Variants in MRPS27 observed in about 807,000 individuals in gnomAD.
MRPS27 encodes the protein mitochondrial ribosomal protein S27, also known as small ribosomal subunit protein mS27.
A neutral mutation model predicts 48.9 loss-of-function variants in MRPS27; 43 were observed. That is an observed-to-expected ratio of 0.88 (90% CI 0.69 to 1.13). MRPS27 has a LOEUF of 1.13. MRPS27 is among the 50% of genes most tolerant of loss of function. MRPS27 has a pLI of 0.00. For missense variants in MRPS27, 467 were observed against 476.3 expected, an observed-to-expected ratio of 0.98 and a Z score of 0.18; for synonymous variants, 188 against 171.9, an observed-to-expected ratio of 1.09 and a Z score of -0.73.
At chr5:72,284,488 T>C (rs1749618935) in intron 4 of MRPS27, among the ~76,000 whole-genome samples, 1 of 148,066 alleles carries the variant, frequency 6.8e-6, no homozygotes, top group Admixed American at 6.8e-5. Flanking sequence ...GAGAGAGAGA[T>C]GGAAAAAGAG....
chr5:72,295,051 TTGTG>T (rs746811892), intron 4 of MRPS27, among the ~76,000 whole-genome samples: 6 of 150,992 alleles, frequency 4.0e-5, no homozygotes, highest in African/African-American at 1.5e-4. Flanking sequence ...GTGTGTGTGT[TTGTG>T]TGTGTGTGTA....
chr5:72,240,178 T>C (rs1017560940), intron 4 of MRPS27, among the ~76,000 whole-genome samples: 1 of 152,170 alleles, frequency 6.6e-6, no homozygotes, highest in African/African-American at 2.4e-5. Flanking sequence ...TGGTATTAAA[T>C]GCTGTTATGT....
intron 4 of MRPS27, among the ~76,000 whole-genome samples, chr5:72,255,508 A>G (rs994685203): frequency 6.6e-6 from 1 of 152,182 alleles, no homozygotes; most frequent in East Asian, 1.9e-4. Flanking sequence ...TTCAATGCCC[A>G]TGCCTCACAC....
chr5:72,314,301 G>A (rs1007522585), intron 1 of MRPS27, 143 bp from the exon 2 acceptor site: 3 of 484,794 alleles, frequency 6.2e-6, no homozygotes, highest in Admixed American at 6.9e-5. Context: ...AACCAATATC[G>A]CATAGTTGAC....
chr5:72,233,182 C>T (rs1580056607), intron 6 of MRPS27, among the ~76,000 whole-genome samples: 1 of 152,132 alleles, frequency 6.6e-6, no homozygotes, highest in East Asian at 1.9e-4. Context: ...GTTTAAAATA[C>T]TTGTTGGAAG....
intron 4 of MRPS27, among the ~76,000 whole-genome samples, chr5:72,263,599 A>G (rs542171677): frequency 6.6e-6 from 1 of 151,644 alleles, no homozygotes; most frequent in East Asian, 1.9e-4. Context: ...AAGTACTTTA[A>G]GAGATATTTC....
chr5:72,239,851 T>C (rs1271960310), intron 4 of MRPS27, among the ~76,000 whole-genome samples: 3 of 152,186 alleles, frequency 2.0e-5, no homozygotes, highest in Admixed American at 6.5e-5. Context: ...AGCTTATTTT[T>C]TGTAGAAACA....
At chr5:72,268,041 C>T (rs1307083671) in intron 4 of MRPS27, among the ~76,000 whole-genome samples, 1 of 152,086 alleles carries the variant, frequency 6.6e-6, no homozygotes, top group African/African-American at 2.4e-5. Flanking sequence ...CCAGTGACTC[C>T]CAAACCCAAC....
chr5:72,221,615 C>T lies in MRPS27; in HGVS notation c.1006-467G>A, dbSNP rs1169755860. On this transcript the variant is annotated intron_variant, in intron 10 of 10. Coordinates refer to ENST00000261413, the MANE Select transcript of MRPS27 (RefSeq NM_015084.3). ...AAAAATAAGAATTCTAATATGCAAA[C>T]AAAATGGCAGAGGCATCTGATAACT... Among the ~76,000 whole-genome samples, 4 of 152,310 alleles carry T rather than the reference C, an allele frequency of 2.6e-5. 1 individual carries two copies. In the East Asian group the frequency reaches 7.7e-4, roughly 29 times the overall value.
chr5:72,282,018 C>T (rs954106648), intron 4 of MRPS27, among the ~76,000 whole-genome samples: 10 of 152,130 alleles, frequency 6.6e-5, no homozygotes, highest in African/African-American at 2.4e-4. Context: ...AATGGTGATA[C>T]TATTTGTCTT....
chr5:72,240,034 T>C lies in MRPS27; in HGVS notation c.282-1906A>G, dbSNP rs141966991. On this transcript the variant is annotated intron_variant, in intron 4 of 10. Transcript: ENST00000261413. The stretch of plus-strand genomic sequence containing the variant: ...AGGTGTACTGCTTCAACGATGGTGA[T>C]GCTTCCTCATCAGCCTGTAAGTTCC... 3.7e-3 allele frequency among the ~76,000 whole-genome samples: 567 copies of C among 152,330 alleles called. 1 individual carries two copies. The highest frequency in any genetic ancestry group is 0.013 in the African/African-American group (551 of 41,572).
At chr5:72,314,000 T>G (rs1380174955) in intron 2 of MRPS27, 81 bp downstream of exon 2, 32 of 1,011,084 alleles carry the variant, frequency 3.2e-5, no homozygotes, top group Non-Finnish European at 4.4e-5. Flanking sequence ...CATAATTTCA[T>G]ATATACGTTA....
chr5:72,297,718 A>G lies in MRPS27; in HGVS notation c.152-16T>C. 1 of 1,532,320 alleles carries G rather than the reference A, an allele frequency of 6.5e-7. No individual in the cohort carries two copies. Among genetic ancestry groups the G allele is most frequent in the South Asian group, 1.3e-5 (1 of 76,900 alleles). 94.9% of individuals were successfully genotyped at this position (1,532,320 alleles called of 1,614,324 possible). On this transcript the variant is annotated splice_polypyrimidine_tract_variant and intron_variant, in intron 2 of 10. Transcript: ENST00000261413. Reference sequence around the variant, plus strand: ...GCAAGATCAGCTGTGAAGACAAAAAAAGAAAAAAAACCTTGTTAAAGATAC... The same window carrying G: ...GCAAGATCAGCTGTGAAGACAAAAAGAGAAAAAAAACCTTGTTAAAGATAC...
chr5:72,253,557 T>C (rs1280987180), intron 4 of MRPS27, among the ~76,000 whole-genome samples: 1 of 152,360 alleles, frequency 6.6e-6, no homozygotes. Flanking sequence ...AGAAGAGATC[T>C]TTAACAACCC....
Position 72,320,216 on chromosome 5 carries a change from A to C in MRPS27, c.6T>G (p.Ala2=). The change falls in exon 1 of 11, where the codon GCT becomes GCG. Residue 2 remains alanine (A), a synonymous_variant. Coordinates refer to ENST00000261413, the MANE Select transcript of MRPS27 (RefSeq NM_015084.3). M[A]ASIVRRGMLL... ...GCATCCCGCGCCGCACTATGGAGGC[A>C]GCCATCTTGGAGCGTACCAAAAGGA... The C allele has an allele frequency of 1.2e-6, 2 of 1,613,998 alleles. No individual in the cohort carries two copies. Among genetic ancestry groups the C allele is most frequent in the Non-Finnish European group, 1.7e-6 (2 of 1,179,884 alleles).
intron 4 of MRPS27, among the ~76,000 whole-genome samples, chr5:72,292,230 A>G (rs1000348308): frequency 2.9e-5 from 4 of 137,628 alleles, no homozygotes; most frequent in African/African-American, 1.1e-4. Context: ...TTTTTGGCCA[A>G]TGAATATAGT....
intron 7 of MRPS27, 160 bp from the exon 8 acceptor site, chr5:72,228,528 A>G: frequency 2.1e-6 from 1 of 479,372 alleles, no homozygotes; most frequent in South Asian, 5.0e-5. Context: ...TGGGATTAAA[A>G]GGTACTTACG....
chr5:72,293,657 G>A (rs966114782), intron 4 of MRPS27, among the ~76,000 whole-genome samples: 1 of 152,172 alleles, frequency 6.6e-6, no homozygotes, highest in Non-Finnish European at 1.5e-5. Context: ...GAAAGGGCCT[G>A]CGCACATAAT....
chr5:72,297,717 A>G lies in MRPS27; in HGVS notation c.152-15T>C, dbSNP rs780235522. 4.4e-5 allele frequency: 68 copies of G among 1,531,804 alleles called. 1 individual carries two copies. In the South Asian group the frequency reaches 8.7e-4, roughly 20 times the overall value. The allele number at this position is 1,531,804 out of a possible 1,614,324, so 94.9% of individuals were successfully genotyped here. The stretch of plus-strand genomic sequence containing the variant: ...TGCAAGATCAGCTGTGAAGACAAAA[A>G]AAGAAAAAAAACCTTGTTAAAGATA... On this transcript the variant is annotated splice_polypyrimidine_tract_variant and intron_variant, in intron 2 of 10. Coordinates refer to ENST00000261413, the MANE Select transcript of MRPS27 (RefSeq NM_015084.3).
Sources: gnomAD v4.1 joint callset for allele counts (sites outside exome capture counted in the v4.1 genomes callset) on GRCh38, gnomAD v4.1.1 for gene constraint, MANE v1.5 for transcripts, NCBI Gene and HGNC (gene_info 2026-07-23, HGNC 2026-07-21) for gene names.